Variants in EFHD1 observed in about 807,000 individuals in gnomAD.
The protein encoded by EFHD1 is EF-hand domain family member D1.
EFHD1 carries 10 observed loss-of-function variants against 17.2 expected under a neutral mutation model. That is an observed-to-expected ratio of 0.58 (90% CI 0.36 to 0.99). The LOEUF (loss-of-function observed/expected upper bound fraction) is 0.99, where lower values mean the gene tolerates loss of function less well. Ranked by LOEUF, EFHD1 falls within the 50% of genes least tolerant of loss-of-function variation. The pLI, the probability that EFHD1 is intolerant of heterozygous loss-of-function variation, is 0.01. For missense variants in EFHD1, 310 were observed against 327.5 expected, an observed-to-expected ratio of 0.95 and a Z score of 0.41; for synonymous variants, 153 against 142.0, an observed-to-expected ratio of 1.08 and a Z score of -0.55.
chr2:232,664,497 C>G (rs1265792542), intron 2 of EFHD1, among the ~76,000 whole-genome samples: 1 of 151,340 alleles, frequency 6.6e-6, no homozygotes, highest in Non-Finnish European at 1.5e-5. Context: ...CAGGGACTCA[C>G]TTTGTTGCCC....
chr2:232,664,333 G>A (rs1230971366), intron 2 of EFHD1, among the ~76,000 whole-genome samples: 2 of 150,744 alleles, frequency 1.3e-5, no homozygotes, highest in African/African-American at 4.9e-5. Flanking sequence ...TAGAGATAGG[G>A]TCTTGCTATG....
intron 3 of EFHD1, among the ~76,000 whole-genome samples, chr2:232,679,183 G>A (rs1695230519): frequency 6.6e-6 from 1 of 152,098 alleles, no homozygotes; most frequent in Non-Finnish European, 1.5e-5. Context: ...TAGAACCTCG[G>A]GGGTTTAGAA....
upstream of EFHD1, chr2:232,633,451 A>C: frequency 1.7e-6 from 2 of 1,201,380 alleles, no homozygotes; most frequent in Non-Finnish European, 2.1e-6. Context: ...GGTCTCCGGG[A>C]CGCGCAGACA....
chr2:232,667,858 G>A lies in EFHD1; in HGVS notation c.451-4451G>A, dbSNP rs918858934. 2.6e-5 allele frequency among the ~76,000 whole-genome samples: 4 copies of A among 152,092 alleles called. No individual in the cohort carries two copies. The East Asian group carries it at 5.8e-4, about 22-fold the overall frequency. ...CGGGTGTGAGCCACTGTGTCTGGCG[G>A]AGACATCTATTTTAAATAATGAATA... On this transcript the variant is annotated intron_variant, in intron 2 of 3. Transcript: ENST00000264059.
intron 1 of EFHD1, among the ~76,000 whole-genome samples, chr2:232,607,066 A>G (rs1693728292): frequency 6.6e-6 from 1 of 151,496 alleles, no homozygotes; most frequent in African/African-American, 2.4e-5. Flanking sequence ...ATCACGGCTC[A>G]CTACAACGTC....
chr2:232,675,246 GAAAGAAAAGA>G lies in EFHD1; in HGVS notation c.585+2821_585+2830del, dbSNP rs71056291. Among the ~76,000 whole-genome samples the G allele has an allele frequency of 5.5e-4, 82 of 149,400 alleles. 1 individual carries two copies. The highest frequency in any genetic ancestry group is 3.4e-3 in the Middle Eastern group (1 of 292). ...AGGAGAAAGAAAGAGAGAAAGAAAA[GAAAGAAAAGA>G]AAAGAAAAGAAAAGAAAGAAAGAAT... On this transcript the variant is annotated intron_variant, in intron 3 of 3. Transcript: ENST00000264059.
Position 232,633,864 on chromosome 2 carries a change from G to GAGCTGAGCGCCC in EFHD1, c.169_180dup (p.Ala57_Ser60dup). On this transcript the variant is annotated inframe_insertion, in exon 1 of 4. Coordinates refer to ENST00000264059, the MANE Select transcript of EFHD1 (RefSeq NM_025202.4). Reference sequence around the variant, plus strand: ...TGCGCCCACGGCCAGCGCCGACGCGGAGCTGAGCGCCCAGCTGAGCCGGCG... The same window carrying GAGCTGAGCGCCC: ...TGCGCCCACGGCCAGCGCCGACGCGGAGCTGAGCGCCCAGCTGAGCGCCCAGCTGAGCCGGCG... 6.6e-7 allele frequency: 1 copy of GAGCTGAGCGCCC among 1,520,340 alleles called. No homozygotes were observed. The highest frequency in any genetic ancestry group is 8.7e-7 in the Non-Finnish European group (1 of 1,143,082). The allele number at this position is 1,520,340 out of a possible 1,614,324, so 94.2% of individuals were successfully genotyped here.
intron 1 of EFHD1, chr2:232,638,627 C>T: frequency 3.1e-6 from 1 of 327,094 alleles, no homozygotes; most frequent in Non-Finnish European, 6.2e-6. Flanking sequence ...TAAAGTGAGC[C>T]CTCTTAGGGA....
chr2:232,617,040 G>A (rs1434903187), intron 1 of EFHD1, among the ~76,000 whole-genome samples: 1 of 152,184 alleles, frequency 6.6e-6, no homozygotes, highest in Non-Finnish European at 1.5e-5. Context: ...AAGACCATGC[G>A]TTTACTCACA....
intron 2 of EFHD1, among the ~76,000 whole-genome samples, chr2:232,667,151 C>G (rs531201527): frequency 6.6e-6 from 1 of 152,190 alleles, no homozygotes; most frequent in African/African-American, 2.4e-5. Context: ...TGTGAGCCAC[C>G]CAGACTGCAC....
intron 1 of EFHD1, among the ~76,000 whole-genome samples, chr2:232,614,043 AAC>A (rs1009734336): frequency 7.1e-4 from 34 of 47,830 alleles, no homozygotes; most frequent in Non-Finnish European, 1.1e-3. Context: ...AACATACACA[AAC>A]ACACACATAC....
intron 1 of EFHD1, among the ~76,000 whole-genome samples, chr2:232,616,551 G>A (rs1018675958): frequency 3.0e-4 from 46 of 152,064 alleles, no homozygotes; most frequent in Non-Finnish European, 1.9e-4. Context: ...TACCCACCTC[G>A]GCCTCCCAAA....
intron 1 of EFHD1, among the ~76,000 whole-genome samples, chr2:232,622,196 G>C (rs944367826): frequency 2.6e-5 from 4 of 152,172 alleles, no homozygotes; most frequent in African/African-American, 9.7e-5. Context: ...GGCCGGGCAT[G>C]GTGGCTTACG....
intron 1 of EFHD1, among the ~76,000 whole-genome samples, chr2:232,662,279 A>T (rs1441068471): frequency 6.6e-6 from 1 of 151,988 alleles, no homozygotes; most frequent in African/African-American, 2.4e-5. Context: ...CATGAGCCAG[A>T]GTCATGATTC....
chr2:232,663,210 G>C (rs776923049), intron 2 of EFHD1, among the ~76,000 whole-genome samples: 8 of 151,966 alleles, frequency 5.3e-5, no homozygotes, highest in Non-Finnish European at 1.2e-4. Flanking sequence ...TATTCATAGT[G>C]GATATTTATG....
At chr2:232,638,927 A>G (rs116550485) in intron 1 of EFHD1, among the ~76,000 whole-genome samples, 2,010 of 152,250 alleles carry the variant, frequency 0.013, 41 homozygotes, top group African/African-American at 0.046. Context: ...ATTCTGGAGG[A>G]TAGCTTTAGG....
At chr2:232,646,919 C>T (rs1022673953) in intron 1 of EFHD1, among the ~76,000 whole-genome samples, 5 of 152,260 alleles carry the variant, frequency 3.3e-5, no homozygotes, top group Admixed American at 6.5e-5. Context: ...GTGGAGGCTT[C>T]TGAGCTCTGC....
At chr2:232,669,896 G>T (rs1375467292) in intron 2 of EFHD1, among the ~76,000 whole-genome samples, 2 of 152,148 alleles carry the variant, frequency 1.3e-5, no homozygotes, top group Non-Finnish European at 2.9e-5. Context: ...ACTGCACCTG[G>T]CGAGAAGGCA....
At chr2:232,681,144 A>G (rs1202983953) in intron 3 of EFHD1, among the ~76,000 whole-genome samples, 1 of 152,162 alleles carries the variant, frequency 6.6e-6, no homozygotes, top group Non-Finnish European at 1.5e-5. Context: ...CGACAGAGCG[A>G]GACTCCATCT....
Sources: gnomAD v4.1 joint callset for allele counts (sites outside exome capture counted in the v4.1 genomes callset) on GRCh38, gnomAD v4.1.1 for gene constraint, MANE v1.5 for transcripts, NCBI Gene and HGNC (gene_info 2026-07-23, HGNC 2026-07-21) for gene names.